CPQ: variants seen among roughly 807,000 people sequenced by gnomAD.
CPQ encodes carboxypeptidase Q.
Under a neutral mutation model 45.7 loss-of-function variants are expected in CPQ, and 37 were observed. The ratio of observed to expected loss-of-function variants is 0.81; its 90% CI spans 0.62 to 1.07. CPQ has a LOEUF of 1.07. Among genes scored for constraint, CPQ ranks in the 50% least tolerant of loss-of-function variants. The pLI, the probability that CPQ is intolerant of heterozygous loss-of-function variation, is 0.00. For missense variants in CPQ, 537 were observed against 572.9 expected (o/e 0.94, Z 0.64); for synonymous variants, 186 against 205.8 (o/e 0.90, Z 0.82).
At chr8:96,910,227 G>T (rs911525112) in intron 4 of CPQ, among the ~76,000 whole-genome samples, 2 of 152,120 alleles carry the variant, frequency 1.3e-5, no homozygotes, top group African/African-American at 4.8e-5. Context: ...GGTCCAGAGA[G>T]GTTAAATGCC....
intron 3 of CPQ, among the ~76,000 whole-genome samples, chr8:96,876,956 A>G (rs747792115): frequency 1.4e-4 from 21 of 152,248 alleles, no homozygotes; most frequent in South Asian, 6.2e-4. Context: ...GAATGAGTTG[A>G]GAAGGGTTCC....
rs540072770 is a variant in CPQ, at chr8:97,027,765, G to A, written c.962-1638G>A. 3.3e-5 allele frequency among the ~76,000 whole-genome samples: 5 copies of A among 152,322 alleles called. No homozygotes were observed. In the South Asian group the frequency reaches 1.0e-3, roughly 32 times the overall value. On this transcript the variant is annotated intron_variant, in intron 5 of 7. Transcript: ENST00000220763. ...CATTACCATTTATTGGGCACCTAAT[G>A]TGTGTCAAACAATCTAGGAATTGGC...
chr8:96,983,053 C>G, intron 5 of CPQ, among the ~76,000 whole-genome samples: 1 of 152,130 alleles, frequency 6.6e-6, no homozygotes, highest in South Asian at 2.1e-4. Context: ...CAGTTGAAAC[C>G]TGTTTTCTAC....
chr8:96,986,306 A>C (rs535460730), intron 5 of CPQ, among the ~76,000 whole-genome samples: 1 of 152,166 alleles, frequency 6.6e-6, no homozygotes, highest in Non-Finnish European at 1.5e-5. Context: ...GGATTAGAAA[A>C]TTCGATTGGA....
intron 7 of CPQ, among the ~76,000 whole-genome samples, chr8:97,106,640 A>G (rs907151309): frequency 6.6e-6 from 1 of 152,232 alleles, no homozygotes; most frequent in South Asian, 2.1e-4. Context: ...CCAAATGGAG[A>G]TGTCAGGTAG....
intron 2 of CPQ, among the ~76,000 whole-genome samples, chr8:96,832,487 A>C (rs1227487474): frequency 6.6e-6 from 1 of 152,198 alleles, no homozygotes; most frequent in Non-Finnish European, 1.5e-5. Flanking sequence ...GTCCCTTGAC[A>C]CACAAACAAG....
At chr8:96,765,320 G>GTTTTTT in intron 1 of CPQ, among the ~76,000 whole-genome samples, 1 of 152,140 alleles carries the variant, frequency 6.6e-6, no homozygotes, top group Middle Eastern at 3.2e-3. Flanking sequence ...TCAAAAACAT[G>GTTTTTT]GGCCAAGGTA....
At chr8:96,848,687 G>A (rs1297902296) in intron 3 of CPQ, among the ~76,000 whole-genome samples, 1 of 152,100 alleles carries the variant, frequency 6.6e-6, no homozygotes, top group Non-Finnish European at 1.5e-5. Context: ...ACAATTTTAG[G>A]ATTGTTGTCA....
chr8:96,920,633 G>A (rs917570126), intron 4 of CPQ, among the ~76,000 whole-genome samples: 1 of 152,010 alleles, frequency 6.6e-6, no homozygotes, highest in African/African-American at 2.4e-5. Flanking sequence ...GAAGGTGATC[G>A]TATTTAGAGA....
At chr8:96,663,812 G>A (rs535935413) in intron 1 of CPQ, among the ~76,000 whole-genome samples, 1 of 152,022 alleles carries the variant, frequency 6.6e-6, no homozygotes. Flanking sequence ...TCAATGATAA[G>A]TCTCTGTGAC....
chr8:96,647,923 G>A (rs1048568227), intron 1 of CPQ, among the ~76,000 whole-genome samples: 2 of 151,984 alleles, frequency 1.3e-5, no homozygotes, highest in Non-Finnish European at 2.9e-5. Flanking sequence ...GTGCTAAGCA[G>A]TGTTGTTTCT....
chr8:96,903,575 T>G lies in CPQ; in HGVS notation c.849+23570T>G, dbSNP rs1812539906. Among the ~76,000 whole-genome samples the G allele has an allele frequency of 3.9e-5, 6 of 152,208 alleles. No homozygotes were observed. In the South Asian group the frequency reaches 1.0e-3, roughly 26 times the overall value. On this transcript the variant is annotated intron_variant, in intron 4 of 7. Transcript: ENST00000220763. ...TGTTGCTAATAGCAAAAATAGCCGCTATTTTCTGAACACTTAAATATATGT... is the reference window on the plus strand; with the variant it reads ...TGTTGCTAATAGCAAAAATAGCCGCGATTTTCTGAACACTTAAATATATGT...
chr8:96,881,033 T>C (rs1388210388), intron 4 of CPQ, among the ~76,000 whole-genome samples: 1 of 152,200 alleles, frequency 6.6e-6, no homozygotes, highest in African/African-American at 2.4e-5. Flanking sequence ...GTGGTATTTG[T>C]CCACGTGTTG....
intron 1 of CPQ, among the ~76,000 whole-genome samples, chr8:96,661,965 A>G (rs1320227464): frequency 6.6e-6 from 1 of 152,126 alleles, no homozygotes; most frequent in Non-Finnish European, 1.5e-5. Context: ...TGTCAGTATT[A>G]TGGTTTTGGG....
chr8:96,998,867 A>G (rs1809220316), intron 5 of CPQ, among the ~76,000 whole-genome samples: 1 of 151,964 alleles, frequency 6.6e-6, no homozygotes, highest in African/African-American at 2.4e-5. Flanking sequence ...TATTTGCTGG[A>G]CAAACCAAAA....
Position 97,000,108 on chromosome 8 carries a change from A to T in CPQ, c.962-29295A>T, listed in dbSNP as rs545433620. Among the ~76,000 whole-genome samples, 115 of 151,564 alleles carry T rather than the reference A, an allele frequency of 7.6e-4. 1 individual carries two copies. Among genetic ancestry groups the T allele is most frequent in the Middle Eastern group, 6.8e-3 (2 of 294 alleles). ...AGGGTTGTTTGTTTTCTTTCTGTAAATTTAAGTTCCTTATAGATGCTGGAT... is the reference window on the plus strand; with the variant it reads ...AGGGTTGTTTGTTTTCTTTCTGTAATTTTAAGTTCCTTATAGATGCTGGAT... On this transcript the variant is annotated intron_variant, in intron 5 of 7. Transcript: ENST00000220763.
intron 3 of CPQ, among the ~76,000 whole-genome samples, chr8:96,839,724 G>C (rs1811581461): frequency 6.6e-6 from 1 of 152,142 alleles, no homozygotes; most frequent in Admixed American, 6.5e-5. Context: ...CAAAAGAGAA[G>C]GGGGTAAGAA....
intron 5 of CPQ, among the ~76,000 whole-genome samples, chr8:97,009,855 A>C (rs568062555): frequency 6.6e-6 from 1 of 152,284 alleles, no homozygotes; most frequent in African/African-American, 2.4e-5. Flanking sequence ...TTACAGTGTG[A>C]TTTGTACATT....
rs906283107 is a variant in CPQ, at chr8:96,835,302, C to G, written c.641+122C>G. On this transcript the variant is annotated intron_variant, in intron 3 of 7. Coordinates refer to ENST00000220763, the MANE Select transcript of CPQ (RefSeq NM_016134.4). ...TACTTATTGTTCATGGAGTTTCCCC[C>G]CCAAACACACACACCCATTCCACAT... 2.3e-5 allele frequency: 16 copies of G among 687,788 alleles called. No homozygotes were observed. In the African/African-American group the frequency reaches 3.0e-4, roughly 13 times the overall value. The allele number at this position is 687,788 out of a possible 1,614,324, so 42.6% of individuals were successfully genotyped here.
Sources: gnomAD v4.1 joint callset for allele counts (sites outside exome capture counted in the v4.1 genomes callset) on GRCh38, gnomAD v4.1.1 for gene constraint, MANE v1.5 for transcripts, NCBI Gene and HGNC (gene_info 2026-07-23, HGNC 2026-07-21) for gene names.